Variants in KIAA1549 observed in about 807,000 individuals in gnomAD.
KIAA1549 encodes the protein UPF0606 protein KIAA1549.
KIAA1549 carries 70 observed loss-of-function variants against 156.4 expected under a neutral mutation model. The observed-to-expected ratio is 0.45, with a 90% CI of 0.37 to 0.55. The LOEUF is 0.55. Among genes scored for constraint, KIAA1549 ranks in the 20% least tolerant of loss-of-function variants. The pLI, the probability that KIAA1549 is intolerant of heterozygous loss-of-function variation, is 0.00. For missense variants in KIAA1549, 2,428 were observed against 2,540.9 expected (o/e 0.96, Z 0.96); for synonymous variants, 1,103 against 1,066.4 (o/e 1.03, Z -0.67).
At chr7:138,908,860 TC>T in intron 5 of KIAA1549, 130 bp downstream of exon 5, 3 of 1,081,066 alleles carry the variant, frequency 2.8e-6, no homozygotes, top group Non-Finnish European at 4.0e-6. Flanking sequence ...CAGGAATAGA[TC>T]AATCCCGACT....
At chr7:138,909,878 C>CA (rs1479711004) in intron 4 of KIAA1549, among the ~76,000 whole-genome samples, 1 of 151,948 alleles carries the variant, frequency 6.6e-6, no homozygotes, top group Non-Finnish European at 1.5e-5. Context: ...GCCCGGGAGG[C>CA]AAAGGTTGCA....
Position 138,835,332 on chromosome 7 carries a change from C to G in KIAA1549, c.*2574G>C, listed in dbSNP as rs963040617. The G allele has an allele frequency of 4.6e-6, 1 of 215,146 alleles. No homozygotes were observed. The highest frequency in any genetic ancestry group is 9.4e-6 in the Non-Finnish European group (1 of 106,662). The allele number at this position is 215,146 out of a possible 1,614,324, so 13.3% of individuals were successfully genotyped here. A position where few individuals can be genotyped will look rare whatever the true frequency, so the allele number is the denominator to read the frequency against. Reference sequence around the variant, plus strand: ...CTGGTGATCCGGGGGCCTGCTCACACCACACCATAACCACCGGCTGTTTAT... The same window carrying G: ...CTGGTGATCCGGGGGCCTGCTCACAGCACACCATAACCACCGGCTGTTTAT... On this transcript the variant is annotated 3_prime_UTR_variant, in exon 20 of 20. Transcript: ENST00000422774.
intron 10 of KIAA1549, 21 bp downstream of exon 10, chr7:138,894,321 G>T (rs769890492): frequency 6.2e-7 from 1 of 1,612,798 alleles, no homozygotes; most frequent in Non-Finnish European, 8.5e-7. Flanking sequence ...AGGAACACTG[G>T]GGGAAGAGGC....
chr7:138,971,369 C>G (rs1814216617), intron 1 of KIAA1549, among the ~76,000 whole-genome samples: 1 of 152,126 alleles, frequency 6.6e-6, no homozygotes, highest in South Asian at 2.1e-4. Context: ...CCACCTGTTT[C>G]TCCTTCTGTT....
chr7:138,917,293 T>C lies in KIAA1549; in HGVS notation c.2333A>G (p.Asp778Gly). The change falls in exon 2 of 20, where the codon GAC (aspartate) becomes GGC (glycine). Residue 778 changes from aspartate (D) to glycine (G), a missense_variant. This residue lies in a region of KIAA1549 where 762 missense variants were observed against 901.6 expected (regional missense o/e 0.85). Coordinates refer to ENST00000422774, the MANE Select transcript of KIAA1549 (RefSeq NM_001164665.2). ...ALVPPGSESF[D>G]ILTAGIQATS... The stretch of plus-strand genomic sequence containing the variant: ...TGCTTGAATCCCGGCAGTCAAAATG[T>C]CAAAAGACTCAGAGCCGGGGGGCAC... The C allele has an allele frequency of 6.2e-7, 1 of 1,613,758 alleles. No individual in the cohort carries two copies. The highest frequency in any genetic ancestry group is 8.5e-7 in the Non-Finnish European group (1 of 1,179,818).
chr7:138,907,015 A>G lies in KIAA1549; in HGVS notation c.3364T>C (p.Phe1122Leu), dbSNP rs780649740. ...IIFAVKSTQGFLNGSEVSELL... is the reference protein window; with the variant it reads ...IIFAVKSTQGLLNGSEVSELL... ...TCGCTCACTTCCGACCCATTCAAAA[A>G]TCCCTGTGTGCTTTTAACCGCAAAG... Residue 1122 changes from phenylalanine (F) to leucine (L), a missense_variant, in exon 6 of 20, where the codon TTT (phenylalanine) becomes CTT (leucine). Physicochemically the swap from Phe to Leu is conservative, Grantham distance 22 (BLOSUM62 0). Coordinates refer to ENST00000422774, the MANE Select transcript of KIAA1549 (RefSeq NM_001164665.2). 12 of 1,613,510 alleles carry G rather than the reference A, an allele frequency of 7.4e-6. No homozygotes were observed.
chr7:138,915,829 A>G (rs1812301319), intron 2 of KIAA1549, among the ~76,000 whole-genome samples: 2 of 152,272 alleles, frequency 1.3e-5, no homozygotes, highest in South Asian at 4.2e-4. Context: ...TCGAGACCAC[A>G]TACACCTGTC....
At position 138,946,648 on chromosome 7, in the gene KIAA1549, G is replaced by A. The variant is rs563498670; in HGVS notation, c.188-27210C>T. ...ACAAAAATTAGCCTGGTGAGGTGGTGTGCGCCTGTAGTCTCAGCTACTCAG... is the reference window on the plus strand; with the variant it reads ...ACAAAAATTAGCCTGGTGAGGTGGTATGCGCCTGTAGTCTCAGCTACTCAG... On this transcript the variant is annotated intron_variant, in intron 1 of 19. Transcript: ENST00000422774. Among the ~76,000 whole-genome samples, 4 of 152,126 alleles carry A rather than the reference G, an allele frequency of 2.6e-5. No individual in the cohort carries two copies. The South Asian group carries it at 8.3e-4, about 32-fold the overall frequency.
At chr7:138,842,743 CAT>C (rs1251631462) in intron 18 of KIAA1549, among the ~76,000 whole-genome samples, 2 of 150,952 alleles carry the variant, frequency 1.3e-5, no homozygotes, top group Non-Finnish European at 3.0e-5. Flanking sequence ...GATTAAAAGA[CAT>C]AAAACAGATG....
rs968928321 is a variant in KIAA1549 at position 138,879,578 on chromosome 7, T to C, written c.4305A>G (p.Gly1435=). The C allele has an allele frequency of 2.3e-5, 36 of 1,568,830 alleles. No homozygotes were observed. The highest frequency in any genetic ancestry group is 3.1e-5 in the Non-Finnish European group (36 of 1,156,648). The change falls in exon 12 of 20, where the codon GGA becomes GGG. Residue 1435 remains glycine, a synonymous_variant. Coordinates refer to ENST00000422774, the MANE Select transcript of KIAA1549 (RefSeq NM_001164665.2). The stretch of plus-strand genomic sequence containing the variant: ...TGTGGGACCTGCCATCGTTGACGGC[T>C]CCCGGCGTCTTATCTCCTGCGTCCC... ...SERDAGDKTP[G]AVNDGRSHRA...
At chr7:138,885,428 C>T (rs1370339550) in intron 10 of KIAA1549, among the ~76,000 whole-genome samples, 1 of 152,138 alleles carries the variant, frequency 6.6e-6, no homozygotes, top group Non-Finnish European at 1.5e-5. Context: ...CCCTCCTGCC[C>T]CCGTCTCTTG....
chr7:138,853,356 A>G (rs1361135006), intron 16 of KIAA1549, among the ~76,000 whole-genome samples: 1 of 152,194 alleles, frequency 6.6e-6, no homozygotes, highest in Admixed American at 6.5e-5. Context: ...TTATAAATGA[A>G]ACCAACTCAC....
At chr7:138,887,821 T>C (rs369854138) in intron 10 of KIAA1549, among the ~76,000 whole-genome samples, 7 of 152,284 alleles carry the variant, frequency 4.6e-5, no homozygotes, top group African/African-American at 1.4e-4. Context: ...TCGTTCCACG[T>C]TGGGAAACTG....
At position 138,903,626 on chromosome 7, in the gene KIAA1549, T is replaced by C; in HGVS notation, c.3631A>G (p.Arg1211Gly). Residue 1211 changes from arginine (R) to glycine (G), a missense_variant, in exon 8 of 20, where the codon AGA becomes GGA. Around this residue, in one of 5 missense-constraint regions of KIAA1549, gnomAD observed 762 missense variants for 901.6 expected, o/e 0.85. Coordinates refer to ENST00000422774, the MANE Select transcript of KIAA1549 (RefSeq NM_001164665.2). ...TTCCCTGCAGCTACAGTGGCCCTTC[T>C]CCACATCCGCCTTCTGGTGGAAACC... ...SEVSTRRRMW[R>G]RATVAAGNSV... The C allele has an allele frequency of 6.2e-7, 1 of 1,613,682 alleles. No individual in the cohort carries two copies. The highest frequency in any genetic ancestry group is 8.5e-7 in the Non-Finnish European group (1 of 1,179,824).
At chr7:138,939,654 C>T (rs918956414) in intron 1 of KIAA1549, among the ~76,000 whole-genome samples, 1 of 152,150 alleles carries the variant, frequency 6.6e-6, no homozygotes, top group Non-Finnish European at 1.5e-5. Context: ...CACTGTATCA[C>T]GGCAGGAAGC....
At chr7:138,862,125 G>T (rs1810602858) in intron 15 of KIAA1549, among the ~76,000 whole-genome samples, 1 of 152,050 alleles carries the variant, frequency 6.6e-6, no homozygotes, top group African/African-American at 2.4e-5. Flanking sequence ...AATAAGTAAA[G>T]TAGTCTATTG....
chr7:138,904,689 A>G (rs1435646544), intron 7 of KIAA1549, among the ~76,000 whole-genome samples: 3 of 150,202 alleles, frequency 2.0e-5, no homozygotes, highest in Non-Finnish European at 4.4e-5. Context: ...AACTAAACAA[A>G]TAACACTTTT....
intron 1 of KIAA1549, among the ~76,000 whole-genome samples, chr7:138,951,220 C>A (rs1212745548): frequency 6.6e-6 from 1 of 152,160 alleles, no homozygotes; most frequent in East Asian, 1.9e-4. Context: ...CATGAGCCAC[C>A]ATGCCCAGCC....
At chr7:138,907,392 G>T (rs888695944) in intron 5 of KIAA1549, among the ~76,000 whole-genome samples, 3 of 152,284 alleles carry the variant, frequency 2.0e-5, no homozygotes, top group Admixed American at 1.3e-4. Flanking sequence ...ATCCACAACA[G>T]CACTGAGAAT....
Sources: gnomAD v4.1 joint callset for allele counts (sites outside exome capture counted in the v4.1 genomes callset) on GRCh38, gnomAD v4.1.1 for gene constraint, gnomAD v4.1.1 regional missense constraint, MANE v1.5 for transcripts, NCBI Gene and HGNC (gene_info 2026-07-23, HGNC 2026-07-21) for gene names.